WDR62: variants seen among roughly 807,000 people sequenced by gnomAD.
WDR62 encodes WD repeat-containing protein 62.
In WDR62, 112 loss-of-function variants were observed where a neutral mutation model predicts 160.6. The observed-to-expected ratio is 0.70, with a 90% confidence interval of 0.60 to 0.82. WDR62 has a LOEUF of 0.82. WDR62 is among the 40% of genes least tolerant of loss of function. The pLI, the probability that WDR62 is intolerant of heterozygous loss-of-function variation, is 0.00. For synonymous variants in WDR62, 792 were observed against 815.1 expected, an observed-to-expected ratio of 0.97 and a Z score of 0.48; for missense variants, 1,819 against 1,983.8, an observed-to-expected ratio of 0.92 and a Z score of 1.58.
intron 7 of WDR62, among the ~76,000 whole-genome samples, chr19:36,069,082 C>T (rs1490942432): frequency 6.6e-6 from 1 of 151,274 alleles, no homozygotes. Context: ...GGGCTAACCC[C>T]CCACCTCCCT....
chr19:36,073,790 G>A (rs1404212212), intron 9 of WDR62: 3 of 522,648 alleles, frequency 5.7e-6, no homozygotes, highest in East Asian at 4.6e-5. Context: ...AATGAGGCGG[G>A]GAAGGGGAAG....
At chr19:36,057,960 T>G (rs1970451254) in intron 1 of WDR62, among the ~76,000 whole-genome samples, 1 of 152,188 alleles carries the variant, frequency 6.6e-6, no homozygotes, top group African/African-American at 2.4e-5. Context: ...CTTGCAGATG[T>G]AGGATCTTGG....
In WDR62 at chr19:36,067,549, C is replaced by T. The variant is rs951963927; in HGVS notation, c.699+106C>T. Reference sequence around the variant, plus strand: ...AGATTTGAGGGCAGCGGTCTCGGGCCATTTGGCCTCTCAGGGGCCCAGCTG... The same window carrying T: ...AGATTTGAGGGCAGCGGTCTCGGGCTATTTGGCCTCTCAGGGGCCCAGCTG... On this transcript the variant is annotated intron_variant, in intron 6 of 31. Transcript: ENST00000401500. 3 of 1,535,586 alleles carry T rather than the reference C, an allele frequency of 2.0e-6. 1 individual carries two copies. In the South Asian group the frequency reaches 3.4e-5, roughly 17 times the overall value.
intron 3 of WDR62, 113 bp downstream of exon 3, chr19:36,060,143 T>C (rs1599745958): frequency 8.9e-7 from 1 of 1,121,366 alleles, no homozygotes; most frequent in Non-Finnish European, 1.4e-6. Context: ...TTCACTTACA[T>C]GTTGGCTCAG....
intron 3 of WDR62, among the ~76,000 whole-genome samples, chr19:36,062,941 A>G (rs1166699029): frequency 6.7e-6 from 1 of 149,728 alleles, no homozygotes; most frequent in African/African-American, 2.5e-5. Context: ...CTTGACTTTC[A>G]GGATCTTGAC....
Position 36,064,943 on chromosome 19 carries a change from T to C in WDR62, c.333-1015T>C, listed in dbSNP as rs577373819. On this transcript the variant is annotated intron_variant, in intron 3 of 31. Transcript: ENST00000401500. ...GGCTTCTGGTCTTGAAGTCACTTCA[T>C]GGCCCAAGATGGAGTTCTGGCTGTC... is the stretch of plus-strand genomic sequence containing the variant. Among the ~76,000 whole-genome samples the C allele has an allele frequency of 2.0e-5, 3 of 152,338 alleles. No individual in the cohort carries two copies. The South Asian group carries it at 6.2e-4, about 32-fold the overall frequency.
chr19:36,099,059 TA>T (rs1288646500), intron 21 of WDR62, among the ~76,000 whole-genome samples: 1 of 151,834 alleles, frequency 6.6e-6, no homozygotes, highest in Non-Finnish European at 1.5e-5. Context: ...CCATCTCTAC[TA>T]AAAATACAAA....
chr19:36,072,154 A>G (rs1971334652), intron 8 of WDR62, among the ~76,000 whole-genome samples: 1 of 152,222 alleles, frequency 6.6e-6, no homozygotes, highest in Non-Finnish European at 1.5e-5. Flanking sequence ...AAGCAAGTAC[A>G]CGAAAAAGAT....
intron 1 of WDR62, 64 bp from the exon 2 acceptor site, chr19:36,058,716 A>G: frequency 7.3e-7 from 1 of 1,374,550 alleles, no homozygotes; most frequent in East Asian, 2.3e-5. Context: ...TGGGTGGCCA[A>G]GGCGGCTGCA....
At position 36,102,983 on chromosome 19, in the gene WDR62, G is replaced by T; in HGVS notation, c.3371G>T (p.Cys1124Phe). The T allele has an allele frequency of 6.2e-7, 1 of 1,614,120 alleles. No homozygotes were observed. The highest frequency in any genetic ancestry group is 8.5e-7 in the Non-Finnish European group (1 of 1,180,026). Residue 1124 changes from cysteine (C) to phenylalanine (F), a missense_variant, in exon 28 of 32, where the codon TGC (cysteine) becomes TTC (phenylalanine). Cys to Phe is a radical substitution (Grantham distance 205, BLOSUM62 -2). Transcript: ENST00000401500. ...ACCTTCCCTCCCCGGGCAACCCAGTGCCTTGTGAAGTCTCCAGAGGTCAAG... is the reference window on the plus strand; with the variant it reads ...ACCTTCCCTCCCCGGGCAACCCAGTTCCTTGTGAAGTCTCCAGAGGTCAAG... ...THTFPPRATQCLVKSPEVKLM... is the reference protein window; with the variant it reads ...THTFPPRATQFLVKSPEVKLM...
At position 36,097,084 on chromosome 19, in the gene WDR62, G is replaced by T. The variant is rs754976942; in HGVS notation, c.2520+5G>T. 5 of 1,613,710 alleles carry T rather than the reference G, an allele frequency of 3.1e-6. No homozygotes were observed. The South Asian group carries it at 4.4e-5, about 14-fold the overall frequency. On this transcript the variant is annotated splice_donor_5th_base_variant and intron_variant, in intron 21 of 31. Transcript: ENST00000401500. ...CCACTGTGGGCAAAGCGGCTGGTAAGTCTTCAGGGAGAGGGTTGCTCAGGG... is the reference window on the plus strand; with the variant it reads ...CCACTGTGGGCAAAGCGGCTGGTAATTCTTCAGGGAGAGGGTTGCTCAGGG...
At chr19:36,071,202 C>CAA (rs111636638) in intron 7 of WDR62, 1,946 of 230,084 alleles carry the variant, frequency 8.5e-3, no homozygotes, top group Middle Eastern at 0.016. Context: ...AACTCTATCT[C>CAA]AAAAAAAAAA....
At position 36,092,689 on chromosome 19, in the gene WDR62, C is replaced by G. The variant is rs1408062212; in HGVS notation, c.2211C>G (p.Ser737Arg). ...CHHLITVSGD[S>R]CVFIWHLGPE... ...GTGTGTCTCTCTTTGACCTCCGCAG[C>G]TGCGTGTTCATCTGGCACCTGGGCC... Residue 737 changes from serine (S) to arginine (R), a missense_variant and splice_region_variant, in exon 19 of 32, where the codon AGC (serine) becomes AGG (arginine). Coordinates refer to ENST00000401500, the MANE Select transcript of WDR62 (RefSeq NM_001083961.2). The G allele has an allele frequency of 1.2e-6, 2 of 1,614,144 alleles. No individual in the cohort carries two copies. Among genetic ancestry groups the G allele is most frequent in the Non-Finnish European group, 1.7e-6 (2 of 1,179,992 alleles).
intron 3 of WDR62, chr19:36,062,072 A>G (rs1970678592): frequency 6.6e-6 from 1 of 151,596 alleles, no homozygotes; most frequent in South Asian, 2.1e-4. Context: ...TCAGCCCCCC[A>G]GGTGGCTGGG....
In WDR62 at chr19:36,067,968, G is replaced by A; in HGVS notation, c.840G>A (p.Gln280=). The change falls in exon 7 of 32, where the codon CAG becomes CAA. Residue 280 remains glutamine, a synonymous_variant. Transcript: ENST00000401500. ...FCVSYSGLLC[Q]FNEKRVLEKW... is the part of the protein sequence containing the mutation. ...TGTCCTACTCGGGCCTCCTCTGCCA[G>A]TTCAATGAGAAGAGGGTGCTGGAGA... The A allele has an allele frequency of 2.5e-6, 4 of 1,614,188 alleles. No homozygotes were observed. Among genetic ancestry groups the A allele is most frequent in the East Asian group, 2.2e-5 (1 of 44,886 alleles).
chr19:36,077,335 C>G (rs1172270668), intron 9 of WDR62, among the ~76,000 whole-genome samples: 1 of 132,774 alleles, frequency 7.5e-6, no homozygotes, highest in African/African-American at 2.9e-5. Context: ...TGGAGTGATG[C>G]AGTGGCACGA....
At chr19:36,075,040 CTT>C (rs368894000) in intron 9 of WDR62, 2 of 146,652 alleles carry the variant, frequency 1.4e-5, no homozygotes, top group African/African-American at 2.5e-5. Flanking sequence ...TCTTCTCTCT[CTT>C]TTTTTTTTTC....
At position 36,089,233 on chromosome 19, in the gene WDR62, A is replaced by G. The variant is rs754279774; in HGVS notation, c.1885A>G (p.Thr629Ala). The G allele has an allele frequency of 1.2e-5, 20 of 1,614,128 alleles. No individual in the cohort carries two copies. The highest frequency in any genetic ancestry group is 1.5e-5 in the Non-Finnish European group (18 of 1,180,006). ...FVRTHHVAEK[T>A]TLYDMDIDIT... ...CCGTACCCACCACGTAGCAGAGAAA[A>G]CCACCTTGTATGACATGGACATTGA... The change falls in exon 15 of 32, where the codon ACC becomes GCC. Residue 629 changes from threonine (T) to alanine (A), a missense_variant. Thr to Ala is a moderately conservative substitution (Grantham distance 58, BLOSUM62 0). Around this residue, in one of 3 missense-constraint regions of WDR62, gnomAD observed 934 missense variants for 1,157.2 expected, o/e 0.81. Transcript: ENST00000401500.
At chr19:36,063,389 C>T (rs755470466) in intron 3 of WDR62, among the ~76,000 whole-genome samples, 2 of 152,082 alleles carry the variant, frequency 1.3e-5, no homozygotes, top group East Asian at 1.9e-4. Flanking sequence ...GCTGGGACTA[C>T]AGGCATGCGC....
Sources: gnomAD v4.1 joint callset for allele counts (sites outside exome capture counted in the v4.1 genomes callset) on GRCh38, gnomAD v4.1.1 for gene constraint, gnomAD v4.1.1 regional missense constraint, MANE v1.5 for transcripts, NCBI Gene and HGNC (gene_info 2026-07-23, HGNC 2026-07-21) for gene names.